NSD3: variants seen among roughly 807,000 people sequenced by gnomAD.
NSD3 encodes the protein nuclear receptor binding SET domain protein 3.
In NSD3, 24 loss-of-function variants were observed where a neutral mutation model predicts 160.8. That is an observed-to-expected ratio of 0.15 (90% CI 0.11 to 0.21). The LOEUF (loss-of-function observed/expected upper bound fraction) is 0.21. Among genes scored for constraint, NSD3 ranks in the 10% least tolerant of loss-of-function variants. The pLI is 1.00. For missense variants in NSD3, 1,157 were observed against 1,735.9 expected, an observed-to-expected ratio of 0.67 and a Z score of 5.93; for synonymous variants, 520 against 600.0, an observed-to-expected ratio of 0.87 and a Z score of 1.95.
At position 38,269,785 on chromosome 8, in the gene NSD3, A is replaced by G. The variant is rs1009020859; in HGVS notation, c.*5856T>C. On this transcript the variant is annotated 3_prime_UTR_variant, in exon 24 of 24. Coordinates refer to ENST00000317025, the MANE Select transcript of NSD3 (RefSeq NM_023034.2). Reference sequence around the variant, plus strand: ...TGGAATGTCATTAAAAACCTTTCCAAATTAATCCTCACGGAAGCAAAAAAC... The same window carrying G: ...TGGAATGTCATTAAAAACCTTTCCAGATTAATCCTCACGGAAGCAAAAAAC... The G allele has an allele frequency of 1.3e-5, 2 of 152,302 alleles. No individual in the cohort carries two copies. The highest frequency in any genetic ancestry group is 6.5e-5 in the Admixed American group (1 of 15,284). The allele number at this position is 152,302 out of a possible 1,614,324, so 9.4% of individuals were successfully genotyped here.
At chr8:38,346,416 GTA>G (rs993759952) in intron 2 of NSD3, among the ~76,000 whole-genome samples, 1 of 147,280 alleles carries the variant, frequency 6.8e-6, no homozygotes, top group East Asian at 2.0e-4. Context: ...GTATATATGT[GTA>G]TATATATATG....
At position 38,319,590 on chromosome 8, in the gene NSD3, A is replaced by T. The variant is rs1227186737; in HGVS notation, c.1810-650T>A. ...AGATCAGAAGTTATTCTGCCAATGTATATGTAAAACACGTGGTAATTTGAG... is the reference window on the plus strand; with the variant it reads ...AGATCAGAAGTTATTCTGCCAATGTTTATGTAAAACACGTGGTAATTTGAG... On this transcript the variant is annotated intron_variant, in intron 8 of 23. Coordinates refer to ENST00000317025, the MANE Select transcript of NSD3 (RefSeq NM_023034.2). The surrounding 1 kb of genome is among the most constrained non-coding windows in gnomAD (Gnocchi z 4.1). Among the ~76,000 whole-genome samples the T allele has an allele frequency of 1.3e-5, 2 of 152,212 alleles. No homozygotes were observed. The highest frequency in any genetic ancestry group is 4.8e-5 in the African/African-American group (2 of 41,448).
intron 2 of NSD3, among the ~76,000 whole-genome samples, chr8:38,347,103 G>T (rs983688925): frequency 1.3e-5 from 2 of 152,048 alleles, no homozygotes; most frequent in Non-Finnish European, 2.9e-5. Context: ...GCAAACATTA[G>T]CAATGAGTGT....
At chr8:38,371,100 T>C (rs1585932620) in intron 1 of NSD3, among the ~76,000 whole-genome samples, 2 of 151,946 alleles carry the variant, frequency 1.3e-5, no homozygotes, top group African/African-American at 2.4e-5. Flanking sequence ...ATTTATTTCA[T>C]AATATATTAA....
chr8:38,310,030 T>G (rs1342933300), intron 12 of NSD3, among the ~76,000 whole-genome samples: 3 of 152,216 alleles, frequency 2.0e-5, no homozygotes, highest in South Asian at 4.1e-4. Context: ...CTTAATTTTT[T>G]TAATAATTGT....
chr8:38,302,802 T>C (rs1031308605), intron 14 of NSD3, among the ~76,000 whole-genome samples: 1 of 152,168 alleles, frequency 6.6e-6, no homozygotes, highest in African/African-American at 2.4e-5. Flanking sequence ...GCTTGGCTAA[T>C]TCCTTTATGT....
intron 1 of NSD3, among the ~76,000 whole-genome samples, chr8:38,357,548 C>G (rs1275891163): frequency 2.0e-5 from 3 of 151,950 alleles, no homozygotes; most frequent in Non-Finnish European, 4.4e-5. Flanking sequence ...GACTCTTAAC[C>G]ATCTTTTGAG....
rs113943963 is a variant in NSD3 at position 38,308,744 on chromosome 8, A to C, written c.2243-3299T>G. On this transcript the variant is annotated intron_variant, in intron 12 of 23. Coordinates refer to ENST00000317025, the MANE Select transcript of NSD3 (RefSeq NM_023034.2). ...CTGAGGTGGGAGGATTGAGCCCAGG[A>C]GGTCGAGGCTGCAGTGAGCTATGAT... 4.9e-3 allele frequency among the ~76,000 whole-genome samples: 750 copies of C among 152,272 alleles called. 11 individuals are homozygous for C. The highest frequency in any genetic ancestry group is 0.017 in the African/African-American group (705 of 41,550).
intron 14 of NSD3, among the ~76,000 whole-genome samples, chr8:38,300,920 G>A (rs1809261913): frequency 6.6e-6 from 1 of 152,178 alleles, no homozygotes. Flanking sequence ...AAATATCTCT[G>A]ACCTAAATAA....
chr8:38,294,329 C>G (rs1809080521), intron 16 of NSD3, among the ~76,000 whole-genome samples: 1 of 152,182 alleles, frequency 6.6e-6, no homozygotes, highest in African/African-American at 2.4e-5. Context: ...CTCCTCAGCT[C>G]AAGCAATCCA....
chr8:38,371,526 C>G (rs534955699), intron 1 of NSD3, among the ~76,000 whole-genome samples: 1 of 152,278 alleles, frequency 6.6e-6, no homozygotes, highest in African/African-American at 2.4e-5. Flanking sequence ...GATTTAAAAT[C>G]GCTATCGCCC....
At chr8:38,371,606 G>A (rs1203876861) in intron 1 of NSD3, among the ~76,000 whole-genome samples, 1 of 152,120 alleles carries the variant, frequency 6.6e-6, no homozygotes, top group African/African-American at 2.4e-5. Context: ...ACATGCTATT[G>A]CACTACAGAA....
At position 38,317,608 on chromosome 8, in the gene NSD3, G is replaced by A; in HGVS notation, c.1855+1287C>T. ...AATGATTGTAATGTATACAGTTTGG[G>A]CTGTTTGGCAAACCCCTGCAGATGT... On this transcript the variant is annotated intron_variant, in intron 9 of 23. Coordinates refer to ENST00000317025, the MANE Select transcript of NSD3 (RefSeq NM_023034.2). This position sits in a 1 kb window ranked among gnomAD's most constrained non-coding sequence, Gnocchi z 5.3. 8.9e-7 allele frequency: 1 copy of A among 1,124,400 alleles called. No individual in the cohort carries two copies. The highest frequency in any genetic ancestry group is 1.1e-6 in the Non-Finnish European group (1 of 915,590). 69.7% of individuals were successfully genotyped at this position (1,124,400 alleles called of 1,614,324 possible).
chr8:38,303,216 A>G, intron 14 of NSD3: 2 of 984,466 alleles, frequency 2.0e-6, no homozygotes, highest in Non-Finnish European at 2.4e-6. Flanking sequence ...TAAACATTCA[A>G]CTGATAATAC....
chr8:38,290,345 CT>C (rs776788058), intron 17 of NSD3, 129 bp downstream of exon 17: 10 of 913,788 alleles, frequency 1.1e-5, no homozygotes, highest in Non-Finnish European at 1.8e-5. Context: ...TGACTGGAAG[CT>C]TATGGACACA....
At chr8:38,304,817 T>A in intron 13 of NSD3, 60 bp from the exon 14 acceptor site, 1 of 1,512,994 alleles carries the variant, frequency 6.6e-7, no homozygotes, top group Admixed American at 2.2e-5. Flanking sequence ...TAAAAATAAG[T>A]TTCTGGAGTT....
intron 1 of NSD3, among the ~76,000 whole-genome samples, chr8:38,380,993 C>T (rs1382328909): frequency 1.3e-5 from 2 of 152,120 alleles, no homozygotes; most frequent in Non-Finnish European, 2.9e-5. Context: ...AAACCCACAC[C>T]TCCCCATTTC....
chr8:38,363,639 CAAAAAAAAAAAA>C lies in NSD3; in HGVS notation c.-44-15436_-44-15425del, dbSNP rs768805402. 6.1e-3 allele frequency among the ~76,000 whole-genome samples: 298 copies of C among 48,738 alleles called. 4 individuals carry two copies. Among genetic ancestry groups the C allele is most frequent in the African/African-American group, 0.022 (275 of 12,580 alleles). The allele number at this position is 48,738 out of a possible 152,430, so 32.0% of individuals were successfully genotyped here. A position where few individuals can be genotyped will look rare whatever the true frequency, so the allele number is the denominator to read the frequency against. ...TGGGTAACAGAGTGAGACTCCGTCT[CAAAAAAAAAAAA>C]AAAAAAAAAAAAGGGAAGGAAACAG... On this transcript the variant is annotated intron_variant, in intron 1 of 23. Transcript: ENST00000317025.
chr8:38,315,371 T>A (rs749434699), intron 11 of NSD3, 45 bp downstream of exon 11: 1 of 1,503,510 alleles, frequency 6.7e-7, no homozygotes, highest in Non-Finnish European at 8.8e-7. Context: ...ACTGGCAGAA[T>A]ATAATAGCAA....
Sources: allele counts gnomAD v4.1 joint callset (sites outside exome capture counted in the v4.1 genomes callset), GRCh38; gene constraint gnomAD v4.1.1; non-coding constraint Gnocchi (gnomAD v3.1); transcripts MANE v1.5; gene names NCBI Gene and HGNC (gene_info 2026-07-23, HGNC 2026-07-21).